The following NDC80 variants were observed in gnomAD, a reference collection of about 807,000 sequenced individuals.
NDC80 encodes NDC80 kinetochore complex component.
Under a neutral mutation model 89.3 loss-of-function variants are expected in NDC80, and 69 were observed. The ratio of observed to expected loss-of-function variants is 0.77; its 90% CI spans 0.64 to 0.94. The LOEUF (loss-of-function observed/expected upper bound fraction) is 0.94. Among genes scored for constraint, NDC80 ranks in the 40% least tolerant of loss-of-function variants. NDC80 has a pLI of 0.00. For missense variants in NDC80, 593 were observed against 739.6 expected (o/e 0.80, Z 2.30); for synonymous variants, 243 against 255.6 (o/e 0.95, Z 0.47).
At chr18:2,591,012 A>G (rs1298802023) in intron 10 of NDC80, among the ~76,000 whole-genome samples, 3 of 150,796 alleles carry the variant, frequency 2.0e-5, no homozygotes. Flanking sequence ...AGCTGGGACT[A>G]TAATAGGTGG....
rs9789197 is a variant in NDC80 at position 2,599,847 on chromosome 18, A to G, written c.1374+676A>G. On this transcript the variant is annotated intron_variant, in intron 12 of 16. Coordinates refer to ENST00000261597, the MANE Select transcript of NDC80 (RefSeq NM_006101.3). Reference sequence around the variant, plus strand: ...AATGTTTATTAAAGTCAAAAGCTATACATTTTTCCCTTGAGAATTATTCAT... The same window carrying G: ...AATGTTTATTAAAGTCAAAAGCTATGCATTTTTCCCTTGAGAATTATTCAT... Among the ~76,000 whole-genome samples, 1,708 of 152,310 alleles carry G rather than the reference A, an allele frequency of 0.011. 75 individuals carry two copies. The East Asian group carries it at 0.14, about 12-fold the overall frequency.
At position 2,607,965 on chromosome 18, in the gene NDC80, GTATATATA is replaced by G. The variant is rs3033372; in HGVS notation, c.1558-708_1558-701del. ...TGTTTTTATTTTACATATATACATA[GTATATATA>G]TATATATATATATATATATATATAT... On this transcript the variant is annotated intron_variant, in intron 14 of 16. Transcript: ENST00000261597. Among the ~76,000 whole-genome samples the G allele has an allele frequency of 3.5e-3, 236 of 68,138 alleles. 1 individual carries two copies. Among genetic ancestry groups the G allele is most frequent in the Middle Eastern group, 0.014 (1 of 74 alleles). The allele number at this position is 68,138 out of a possible 152,430, so 44.7% of individuals were successfully genotyped here. A position where few individuals can be genotyped will look rare whatever the true frequency, so the allele number is the denominator to read the frequency against.
rs573839212 is a variant in NDC80, at chr18:2,587,089, G to A, written c.670-741G>A. On this transcript the variant is annotated intron_variant, in intron 7 of 16. Coordinates refer to ENST00000261597, the MANE Select transcript of NDC80 (RefSeq NM_006101.3). ...TTCCAGTTACAGGAATACTCAGACTGCCTATTCAGGGTACTCACTTCAAGG... is the reference window on the plus strand; with the variant it reads ...TTCCAGTTACAGGAATACTCAGACTACCTATTCAGGGTACTCACTTCAAGG... Among the ~76,000 whole-genome samples the A allele has an allele frequency of 1.3e-4, 14 of 108,144 alleles. No homozygotes were observed. The East Asian group carries it at 6.3e-3, about 49-fold the overall frequency. 70.9% of individuals were successfully genotyped at this position (108,144 alleles called of 152,430 possible). A position where few individuals can be genotyped will look rare whatever the true frequency, so the allele number is the denominator to read the frequency against.
intron 10 of NDC80, among the ~76,000 whole-genome samples, chr18:2,591,258 A>G (rs2143647283): frequency 6.6e-6 from 1 of 152,366 alleles, no homozygotes; most frequent in Non-Finnish European, 1.5e-5. Flanking sequence ...TCTTAATCAT[A>G]AAATTCTGTA....
chr18:2,575,577 C>A (rs1318049232), intron 3 of NDC80, among the ~76,000 whole-genome samples: 1 of 151,654 alleles, frequency 6.6e-6, no homozygotes, highest in Non-Finnish European at 1.5e-5. Context: ...TTCGAGACCA[C>A]CCTGGGCAAC....
intron 12 of NDC80, among the ~76,000 whole-genome samples, chr18:2,599,536 C>G (rs533466472): frequency 6.6e-6 from 1 of 152,116 alleles, no homozygotes; most frequent in East Asian, 1.9e-4. Context: ...GAGATGGTAA[C>G]CGTGGAATGA....
rs1256207480 is a variant in NDC80 at position 2,608,778 on chromosome 18, G to A, written c.1636G>A (p.Val546Ile). The A allele has an allele frequency of 6.2e-7, 1 of 1,613,128 alleles. No individual in the cohort carries two copies. The highest frequency in any genetic ancestry group is 1.3e-5 in the African/African-American group (1 of 74,924). ...ACACAAGCACCTGCTAGAAAGTACTGTTAACCAGGGGCTCAGTGAAGCTAT... is the reference window on the plus strand; with the variant it reads ...ACACAAGCACCTGCTAGAAAGTACTATTAACCAGGGGCTCAGTGAAGCTAT... ...EKHKHLLEST[V>I]NQGLSEAMNE... Residue 546 changes from valine to isoleucine, a missense_variant, in exon 15 of 17, where the codon GTT (valine) becomes ATT (isoleucine). Val to Ile is a conservative substitution (Grantham distance 29, BLOSUM62 3). Transcript: ENST00000261597.
chr18:2,614,797 T>C (rs1481685250), intron 16 of NDC80, among the ~76,000 whole-genome samples: 4 of 152,090 alleles, frequency 2.6e-5, no homozygotes, highest in Non-Finnish European at 5.9e-5. Flanking sequence ...TCACAGAAGG[T>C]GAGCTTATTT....
chr18:2,588,597 A>C (rs183425215), intron 8 of NDC80, among the ~76,000 whole-genome samples: 6 of 152,342 alleles, frequency 3.9e-5, no homozygotes, highest in Admixed American at 2.6e-4. Flanking sequence ...CAATGGAATC[A>C]ATCACTTTGC....
At chr18:2,608,595 G>C in intron 14 of NDC80, 105 bp from the exon 15 acceptor site, 1 of 1,225,776 alleles carries the variant, frequency 8.2e-7, no homozygotes, top group South Asian at 1.8e-5. Flanking sequence ...TACAAATGAT[G>C]CAACCTGATT....
At chr18:2,610,074 A>G (rs571442049) in intron 15 of NDC80, among the ~76,000 whole-genome samples, 16 of 152,280 alleles carry the variant, frequency 1.1e-4, no homozygotes, top group Admixed American at 7.8e-4. Flanking sequence ...CATAGGAAAA[A>G]TTTTAGCCAC....
chr18:2,575,399 C>T (rs2072541263), intron 3 of NDC80, among the ~76,000 whole-genome samples: 1 of 151,884 alleles, frequency 6.6e-6, no homozygotes, highest in African/African-American at 2.4e-5. Flanking sequence ...GGAGGCTTTG[C>T]TTGAGTCCAG....
At chr18:2,573,205 C>T (rs2072528217) in intron 2 of NDC80, 119 bp downstream of exon 2, 1 of 715,646 alleles carries the variant, frequency 1.4e-6, no homozygotes. Context: ...CTTGTCTGTT[C>T]CCAGGGGTAC....
intron 16 of NDC80, among the ~76,000 whole-genome samples, chr18:2,616,018 A>T (rs938707866): frequency 1.3e-5 from 2 of 152,078 alleles, no homozygotes; most frequent in African/African-American, 4.8e-5. Context: ...GGTGAATACA[A>T]ATATATTCTT....
chr18:2,611,779 T>C (rs1219403517), intron 16 of NDC80, among the ~76,000 whole-genome samples: 1 of 152,110 alleles, frequency 6.6e-6, no homozygotes, highest in Non-Finnish European at 1.5e-5. Context: ...AAAAATTCAC[T>C]TTATCATATT....
At chr18:2,602,559 TG>T (rs1312484312) in intron 13 of NDC80, among the ~76,000 whole-genome samples, 2 of 152,182 alleles carry the variant, frequency 1.3e-5, no homozygotes, top group East Asian at 3.8e-4. Flanking sequence ...TTTGCTGTAA[TG>T]GGTACTAAAA....
chr18:2,605,247 G>T (rs1404345523), intron 13 of NDC80, among the ~76,000 whole-genome samples: 1 of 147,290 alleles, frequency 6.8e-6, no homozygotes, highest in Non-Finnish European at 1.5e-5. Flanking sequence ...TGTCCAGTAG[G>T]CAATTGGAGT....
rs1249940612 is a variant in NDC80, at chr18:2,605,272, GTA to G, written c.1465-1141_1465-1140del. 1.7e-3 allele frequency among the ~76,000 whole-genome samples: 187 copies of G among 109,828 alleles called. 2 individuals are homozygous for G. Among genetic ancestry groups the G allele is most frequent in the African/African-American group, 6.2e-3 (158 of 25,556 alleles). 72.1% of individuals were successfully genotyped at this position (109,828 alleles called of 152,430 possible). A position where few individuals can be genotyped will look rare whatever the true frequency, so the allele number is the denominator to read the frequency against. On this transcript the variant is annotated intron_variant, in intron 13 of 16. Transcript: ENST00000261597. ...GCAATTGGAGTCGGGCGGGCTATAT[GTA>G]TGTGTGTGTGTGTGTGTGTGTGTGT...
At chr18:2,596,893 G>T (rs1400553125) in intron 11 of NDC80, among the ~76,000 whole-genome samples, 2 of 151,638 alleles carry the variant, frequency 1.3e-5, no homozygotes, top group East Asian at 3.9e-4. Context: ...GGATGAAATT[G>T]GAAATCATCA....
Sources: allele counts gnomAD v4.1 joint callset (sites outside exome capture counted in the v4.1 genomes callset), GRCh38; gene constraint gnomAD v4.1.1; transcripts MANE v1.5; gene names NCBI Gene and HGNC (gene_info 2026-07-23, HGNC 2026-07-21).